Variants in GNAI1 observed in about 807,000 individuals in gnomAD.
GNAI1 encodes guanine nucleotide-binding protein G(i) subunit alpha-1.
A neutral mutation model predicts 38.9 loss-of-function variants in GNAI1; 11 were observed. The observed-to-expected ratio is 0.28, with a 90% CI of 0.18 to 0.47. GNAI1 has a LOEUF of 0.47. GNAI1 is among the 20% of genes least tolerant of loss of function. The pLI is 0.99. For synonymous variants in GNAI1, 166 were observed against 145.1 expected, an observed-to-expected ratio of 1.14 and a Z score of -1.04; for missense variants, 317 against 436.9, an observed-to-expected ratio of 0.73 and a Z score of 2.45.
intron 1 of GNAI1, among the ~76,000 whole-genome samples, chr7:80,154,168 C>T (rs1339003079): frequency 1.3e-5 from 2 of 152,132 alleles, no homozygotes; most frequent in Non-Finnish European, 2.9e-5. Flanking sequence ...AGTAGTCTGC[C>T]CACCTTGGCC....
rs955109420 is a variant in GNAI1, at chr7:80,224,374, A to G, written c.*6881A>G. 2.0e-5 allele frequency among the ~76,000 whole-genome samples: 3 copies of G among 152,116 alleles called. No homozygotes were observed. The highest frequency in any genetic ancestry group is 7.2e-5 in the African/African-American group (3 of 41,412). On this transcript the variant is annotated 3_prime_UTR_variant, in exon 8 of 8. Transcript: ENST00000649796. ...CTAGGAAGTGGCAGAGCTGGGTGTA[A>G]AATCTAGAGTTAAGACCTTTGTTAG...
In GNAI1 at chr7:80,220,059, A is replaced by G. The variant is rs140147232; in HGVS notation, c.*2566A>G. ...ACCCAGGTTAGTTATCCTAATGTAG[A>G]ACTGTGGCCCTATCACCTTCTATTC... is the stretch of plus-strand genomic sequence containing the variant. On this transcript the variant is annotated 3_prime_UTR_variant, in exon 8 of 8. Transcript: ENST00000649796. 3.4e-4 allele frequency among the ~76,000 whole-genome samples: 52 copies of G among 152,280 alleles called. 2 individuals are homozygous for G. The East Asian group carries it at 6.0e-3, about 18-fold the overall frequency.
chr7:80,180,070 G>A (rs1584031413), intron 1 of GNAI1, among the ~76,000 whole-genome samples: 1 of 152,232 alleles, frequency 6.6e-6, no homozygotes, highest in Non-Finnish European at 1.5e-5. Context: ...GCTTGGCATA[G>A]GAAATGTTGA....
chr7:80,199,170 C>CT, intron 3 of GNAI1, 55 bp from the exon 4 acceptor site: 2 of 1,254,156 alleles, frequency 1.6e-6, no homozygotes, highest in Non-Finnish European at 2.2e-6. Flanking sequence ...CTCCTTTGTA[C>CT]TTTTTATCTC....
Position 80,155,663 on chromosome 7 carries a change from T to G in GNAI1, c.118+20385T>G, listed in dbSNP as rs540641510. 7.9e-5 allele frequency among the ~76,000 whole-genome samples: 12 copies of G among 152,198 alleles called. 1 individual carries two copies. In the South Asian group the frequency reaches 2.3e-3, roughly 29 times the overall value. ...AAGATCAGTGATTATAATTGAAGTT[T>G]TGAAATTTTAAGTAGCAATGGCATT... On this transcript the variant is annotated intron_variant, in intron 1 of 7. Transcript: ENST00000649796.
chr7:80,216,845 T>C (rs1479875753), intron 7 of GNAI1, among the ~76,000 whole-genome samples: 1 of 151,952 alleles, frequency 6.6e-6, no homozygotes, highest in Non-Finnish European at 1.5e-5. Context: ...TAAAGAAAAA[T>C]GAGTGAAGAA....
chr7:80,152,548 G>A (rs1208974640), intron 1 of GNAI1, among the ~76,000 whole-genome samples: 1 of 149,466 alleles, frequency 6.7e-6, no homozygotes, highest in African/African-American at 2.5e-5. Flanking sequence ...GGGTAGATTC[G>A]GTCTCAATTC....
intron 1 of GNAI1, among the ~76,000 whole-genome samples, chr7:80,137,381 C>T (rs1314352567): frequency 8.0e-6 from 1 of 125,496 alleles, no homozygotes; most frequent in African/African-American, 3.2e-5. Context: ...AGTGCAGTGG[C>T]CCGATCTCGG....
intron 1 of GNAI1, among the ~76,000 whole-genome samples, chr7:80,136,780 C>CT (rs1787423884): frequency 6.6e-6 from 1 of 152,118 alleles, no homozygotes; most frequent in African/African-American, 2.4e-5. Context: ...CTGTGTGACT[C>CT]TTAGTTTGAG....
intron 1 of GNAI1, among the ~76,000 whole-genome samples, chr7:80,138,182 ACAGT>A (rs1169289462): frequency 6.6e-6 from 1 of 152,188 alleles, no homozygotes; most frequent in African/African-American, 2.4e-5. Context: ...TACTTTTAAG[ACAGT>A]CTGTTAAATA....
intron 1 of GNAI1, among the ~76,000 whole-genome samples, chr7:80,145,178 T>C (rs964440169): frequency 3.9e-5 from 6 of 152,238 alleles, no homozygotes; most frequent in Non-Finnish European, 7.3e-5. Flanking sequence ...ATTTTTAATC[T>C]ATTTTTTTAT....
chr7:80,172,824 T>TA (rs371464942), intron 1 of GNAI1, among the ~76,000 whole-genome samples: 2 of 152,002 alleles, frequency 1.3e-5, no homozygotes, highest in African/African-American at 2.4e-5. Context: ...AAATTTTTTT[T>TA]AAAAAACTTT....
intron 1 of GNAI1, among the ~76,000 whole-genome samples, chr7:80,165,549 A>T: frequency 6.6e-6 from 1 of 152,296 alleles, no homozygotes. Flanking sequence ...GAGATATTTG[A>T]TAAATTATTT....
chr7:80,202,263 C>T (rs1034626973), intron 4 of GNAI1, among the ~76,000 whole-genome samples: 2 of 151,768 alleles, frequency 1.3e-5, no homozygotes, highest in South Asian at 2.1e-4. Context: ...CTGATTTTTG[C>T]ATTTTTAGTA....
At chr7:80,199,142 T>G in intron 3 of GNAI1, 83 bp from the exon 4 acceptor site, 1 of 990,900 alleles carries the variant, frequency 1.0e-6, no homozygotes, top group South Asian at 2.2e-5. Context: ...GCCTTTTTTT[T>G]TTTAACTCTA....
chr7:80,216,819 T>C (rs112991092), intron 7 of GNAI1, among the ~76,000 whole-genome samples: 7 of 152,220 alleles, frequency 4.6e-5, no homozygotes, highest in African/African-American at 1.4e-4. Context: ...TTGTAGACCT[T>C]GGTACAATTT....
At position 80,211,242 on chromosome 7, in the gene GNAI1, G is replaced by C. The variant is rs1325047467; in HGVS notation, c.720+144G>C. The C allele has an allele frequency of 2.7e-5, 18 of 655,022 alleles. No individual in the cohort carries two copies. The Admixed American group carries it at 5.1e-4, about 19-fold the overall frequency. 40.6% of individuals were successfully genotyped at this position (655,022 alleles called of 1,614,324 possible). On this transcript the variant is annotated intron_variant, in intron 6 of 7. Coordinates refer to ENST00000649796, the MANE Select transcript of GNAI1 (RefSeq NM_002069.6). ...TATTTGATAAAAGAGAGATATACTA[G>C]AGAAGCACAGGTGGATCTTGAGGAA... is the stretch of plus-strand genomic sequence containing the variant.
At chr7:80,142,441 A>G (rs911758689) in intron 1 of GNAI1, among the ~76,000 whole-genome samples, 1 of 152,188 alleles carries the variant, frequency 6.6e-6, no homozygotes, top group African/African-American at 2.4e-5. Context: ...CTGATCATCC[A>G]GTCTAAATTA....
Position 80,225,249 on chromosome 7 carries a change from A to T in GNAI1, c.*7756A>T, listed in dbSNP as rs753899979. On this transcript the variant is annotated 3_prime_UTR_variant, in exon 8 of 8. Transcript: ENST00000649796. ...TTTTCACTTTAAATATGTCAGCTAT[A>T]ATAAAAGAGAGACATACACATTTTA... Among the ~76,000 whole-genome samples, 5 of 152,236 alleles carry T rather than the reference A, an allele frequency of 3.3e-5. No individual in the cohort carries two copies. The highest frequency in any genetic ancestry group is 7.3e-5 in the Non-Finnish European group (5 of 68,038).
Sources: allele counts gnomAD v4.1 joint callset (sites outside exome capture counted in the v4.1 genomes callset), GRCh38; gene constraint gnomAD v4.1.1; transcripts MANE v1.5; gene names NCBI Gene and HGNC (gene_info 2026-07-23, HGNC 2026-07-21).